Variants in LRRIQ1 observed in about 807,000 individuals in gnomAD.
LRRIQ1 encodes the protein leucine-rich repeat- and IQ domain-containing protein 1.
A neutral mutation model predicts 211.9 loss-of-function variants in LRRIQ1; 210 were observed. The ratio of observed to expected loss-of-function variants is 0.99; its 90% confidence interval spans 0.89 to 1.11. The LOEUF (loss-of-function observed/expected upper bound fraction) is 1.11, where lower values mean the gene tolerates loss of function less well. Ranked by LOEUF, LRRIQ1 falls within the 50% of genes most tolerant of loss-of-function variation. LRRIQ1 has a pLI of 0.00. For synonymous variants in LRRIQ1, 699 were observed against 650.1 expected (o/e 1.08, Z -1.14); for missense variants, 2,136 against 1,939.5 (o/e 1.10, Z -1.90).
chr12:85,107,447 A>G (rs1023737448), intron 15 of LRRIQ1, among the ~76,000 whole-genome samples: 5 of 152,044 alleles, frequency 3.3e-5, no homozygotes, highest in Admixed American at 2.0e-4. Context: ...TTCTTTCTCT[A>G]AGAATGATTT....
chr12:85,099,489 C>T (rs1440117983), intron 13 of LRRIQ1, among the ~76,000 whole-genome samples: 1 of 151,882 alleles, frequency 6.6e-6, no homozygotes, highest in Non-Finnish European at 1.5e-5. Flanking sequence ...AATACCTTAA[C>T]ATTCAATTGA....
intron 15 of LRRIQ1, among the ~76,000 whole-genome samples, chr12:85,112,109 A>G (rs1298166680): frequency 6.6e-6 from 1 of 152,022 alleles, no homozygotes; most frequent in Non-Finnish European, 1.5e-5. Flanking sequence ...TTCTAAAAAC[A>G]TCTGAAGTAT....
chr12:85,270,715 C>A, the LRRIQ1 span, among the ~76,000 whole-genome samples: 2 of 151,952 alleles, frequency 1.3e-5, no homozygotes, highest in African/African-American at 4.8e-5. Context: ...ATTTTATGAC[C>A]AGGCACTGTT....
chr12:85,150,990 C>G (rs886452460), intron 19 of LRRIQ1, among the ~76,000 whole-genome samples: 1 of 151,370 alleles, frequency 6.6e-6, no homozygotes, highest in Non-Finnish European at 1.5e-5. Context: ...AATGTATTCT[C>G]TTAATGATTT....
chr12:85,189,313 G>A (rs1234240706), intron 24 of LRRIQ1, among the ~76,000 whole-genome samples: 1 of 152,028 alleles, frequency 6.6e-6, no homozygotes, highest in Non-Finnish European at 1.5e-5. Flanking sequence ...CTGTATTAAT[G>A]AAATGACCCC....
chr12:85,201,062 C>G (rs1280458222), intron 24 of LRRIQ1, among the ~76,000 whole-genome samples: 1 of 151,778 alleles, frequency 6.6e-6, no homozygotes, highest in Non-Finnish European at 1.5e-5. Flanking sequence ...AACTCCTGAC[C>G]TCAAATGATT....
intron 24 of LRRIQ1, among the ~76,000 whole-genome samples, chr12:85,193,372 A>G (rs1408981381): frequency 4.7e-4 from 60 of 126,618 alleles, no homozygotes; most frequent in Middle Eastern, 3.5e-3. Context: ...CATAATTGTC[A>G]GATTCACCAA....
intron 13 of LRRIQ1, among the ~76,000 whole-genome samples, chr12:85,101,680 A>G (rs1886354427): frequency 6.6e-6 from 1 of 151,828 alleles, no homozygotes. Flanking sequence ...ATCCTAATGA[A>G]TAGTTATAAA....
intron 24 of LRRIQ1, among the ~76,000 whole-genome samples, chr12:85,221,930 G>C (rs1220197390): frequency 6.6e-6 from 1 of 152,180 alleles, no homozygotes; most frequent in Non-Finnish European, 1.5e-5. Flanking sequence ...GCAGAGGCCA[G>C]TTAGAAGGCT....
intron 11 of LRRIQ1, among the ~76,000 whole-genome samples, chr12:85,079,745 A>T (rs1055765238): frequency 7.9e-5 from 12 of 151,950 alleles, no homozygotes; most frequent in African/African-American, 2.4e-4. Flanking sequence ...ACTATTTTTT[A>T]TTCTGTTCAT....
At position 85,056,354 on chromosome 12, in the gene LRRIQ1, C is replaced by G; in HGVS notation, c.1561C>G (p.Leu521Val). Reference protein sequence around the residue: ...ELGNSDLKGNLKEQFPLQELK... With the variant: ...ELGNSDLKGNVKEQFPLQELK... ...GGGAAACTCTGATCTAAAAGGAAAT[C>G]TGAAAGAACAGTTTCCATTGCAAGA... Residue 521 changes from leucine (L) to valine (V), a missense_variant, in exon 8 of 27, where the codon CTG becomes GTG. Transcript: ENST00000393217. 1 of 1,591,696 alleles carries G rather than the reference C, an allele frequency of 6.3e-7. No individual in the cohort carries two copies. The highest frequency in any genetic ancestry group is 8.5e-7 in the Non-Finnish European group (1 of 1,174,142).
intron 24 of LRRIQ1, among the ~76,000 whole-genome samples, chr12:85,215,429 TACAGATTA>T (rs1218288733): frequency 1.3e-5 from 2 of 152,142 alleles, no homozygotes; most frequent in Non-Finnish European, 2.9e-5. Context: ...GGGTTTGTTG[TACAGATTA>T]TTTTATCATC....
chr12:85,232,968 A>G, intron 26 of LRRIQ1: 1 of 468,948 alleles, frequency 2.1e-6, no homozygotes, highest in South Asian at 3.2e-5. Flanking sequence ...TGTTAATTTT[A>G]TGTGACAGAT....
intron 24 of LRRIQ1, among the ~76,000 whole-genome samples, chr12:85,203,251 A>T (rs1031187921): frequency 6.6e-6 from 1 of 152,114 alleles, no homozygotes; most frequent in African/African-American, 2.4e-5. Context: ...TTCTGCTATG[A>T]TTGTGAGGTT....
chr12:85,047,608 G>T, intron 6 of LRRIQ1, 138 bp downstream of exon 6: 7 of 666,958 alleles, frequency 1.0e-5, no homozygotes, highest in Middle Eastern at 4.3e-4. Context: ...AATTGACTGT[G>T]AATTAACAGT....
At chr12:85,243,493 G>A (rs551406128) in intron 26 of LRRIQ1, among the ~76,000 whole-genome samples, 83 of 150,784 alleles carry the variant, frequency 5.5e-4, no homozygotes, top group Admixed American at 1.7e-3. Context: ...CATTAAGAAT[G>A]ATTGACATTA....
chr12:85,134,987 C>T (rs1889020013), intron 18 of LRRIQ1, among the ~76,000 whole-genome samples: 1 of 151,790 alleles, frequency 6.6e-6, no homozygotes, highest in African/African-American at 2.4e-5. Context: ...AGTACATTAC[C>T]AACCTTAAAA....
chr12:85,159,057 A>G (rs1190505724), intron 23 of LRRIQ1, among the ~76,000 whole-genome samples: 1 of 152,022 alleles, frequency 6.6e-6, no homozygotes, highest in Non-Finnish European at 1.5e-5. Flanking sequence ...AAATCAATTT[A>G]TGCTGATGCA....
At chr12:85,095,721 C>T (rs948746373) in intron 11 of LRRIQ1, among the ~76,000 whole-genome samples, 1 of 152,128 alleles carries the variant, frequency 6.6e-6, no homozygotes, top group Non-Finnish European at 1.5e-5. Context: ...CTGGTGCCAG[C>T]TCTTCCTGGT....
Sources: gnomAD v4.1 joint callset for allele counts (sites outside exome capture counted in the v4.1 genomes callset) on GRCh38, gnomAD v4.1.1 for gene constraint, MANE v1.5 for transcripts, NCBI Gene and HGNC (gene_info 2026-07-23, HGNC 2026-07-21) for gene names.